CDC14B: variants seen among roughly 807,000 people sequenced by gnomAD.
The protein encoded by CDC14B is dual specificity protein phosphatase CDC14B.
A neutral mutation model predicts 64.2 loss-of-function variants in CDC14B; 22 were observed. The observed-to-expected ratio is 0.34, with a 90% CI of 0.24 to 0.49. The LOEUF (loss-of-function observed/expected upper bound fraction) is 0.49, where lower values mean the gene tolerates loss of function less well. CDC14B is among the 20% of genes least tolerant of loss of function. The pLI is 0.99. For synonymous variants in CDC14B, 191 were observed against 215.8 expected, an observed-to-expected ratio of 0.89 and a Z score of 1.01; for missense variants, 498 against 629.9, an observed-to-expected ratio of 0.79 and a Z score of 2.24.
chr9:96,602,045 C>T (rs1054605337), intron 1 of CDC14B, among the ~76,000 whole-genome samples: 3 of 151,956 alleles, frequency 2.0e-5, no homozygotes, highest in Admixed American at 6.6e-5. Context: ...GACGACAGAG[C>T]GAGACTCAGT....
At chr9:96,615,121 G>T (rs1847543054) in intron 1 of CDC14B, among the ~76,000 whole-genome samples, 1 of 152,144 alleles carries the variant, frequency 6.6e-6, no homozygotes, top group South Asian at 2.1e-4. Flanking sequence ...GATTACAGAC[G>T]TGAGACACTG....
At chr9:96,534,246 T>C in intron 8 of CDC14B, 89 bp from the exon 9 acceptor site, 1 of 845,756 alleles carries the variant, frequency 1.2e-6, no homozygotes, top group Non-Finnish European at 1.8e-6. Flanking sequence ...AAACAGTATC[T>C]GGACTGGGAA....
At chr9:96,562,386 A>G (rs1239471427) in intron 4 of CDC14B, among the ~76,000 whole-genome samples, 1 of 152,204 alleles carries the variant, frequency 6.6e-6, no homozygotes, top group Admixed American at 6.5e-5. Flanking sequence ...CTATTTTCCA[A>G]CCTTTAGTGC....
At chr9:96,543,849 CTTCACACTGTAATAT>C (rs1840426617) in intron 5 of CDC14B, among the ~76,000 whole-genome samples, 1 of 152,174 alleles carries the variant, frequency 6.6e-6, no homozygotes, top group African/African-American at 2.4e-5. Flanking sequence ...TTATTTGGGT[CTTCACACTGTAATAT>C]TTCTTACTGT....
At position 96,500,586 on chromosome 9, in the gene CDC14B, C is replaced by T. The variant is rs1833479184; in HGVS notation, c.*3167G>A. 1 of 152,604 alleles carries T rather than the reference C, an allele frequency of 6.6e-6. No individual in the cohort carries two copies. The allele number at this position is 152,604 out of a possible 1,614,324, so 9.5% of individuals were successfully genotyped here. On this transcript the variant is annotated 3_prime_UTR_variant, in exon 14 of 14. Transcript: ENST00000375241. ...TTAAACACATCTGGAGTCATCTCCA[C>T]TGAGTGACATGGAGAATAACCTGAT...
intron 1 of CDC14B, among the ~76,000 whole-genome samples, chr9:96,575,961 G>A (rs1844776654): frequency 6.6e-6 from 1 of 152,224 alleles, no homozygotes; most frequent in African/African-American, 2.4e-5. Context: ...AAAGAAAGTA[G>A]CAATATTAAC....
intron 1 of CDC14B, among the ~76,000 whole-genome samples, chr9:96,593,101 A>G (rs184281063): frequency 1.3e-5 from 2 of 152,306 alleles, no homozygotes; most frequent in Admixed American, 6.5e-5. Context: ...TAGTTCCTAA[A>G]TATCTAAGAA....
intron 1 of CDC14B, among the ~76,000 whole-genome samples, chr9:96,573,779 T>C (rs1564363846): frequency 6.6e-6 from 1 of 152,184 alleles, no homozygotes; most frequent in Non-Finnish European, 1.5e-5. Flanking sequence ...ATAAATTACA[T>C]GGAATATGAC....
At chr9:96,591,257 G>C (rs1179492540) in intron 1 of CDC14B, among the ~76,000 whole-genome samples, 1 of 152,130 alleles carries the variant, frequency 6.6e-6, no homozygotes, top group African/African-American at 2.4e-5. Flanking sequence ...AGGTCTTTAA[G>C]ATACTTTGCA....
At chr9:96,559,198 T>C (rs925156794) in intron 4 of CDC14B, among the ~76,000 whole-genome samples, 5 of 152,164 alleles carry the variant, frequency 3.3e-5, no homozygotes. Context: ...TACCTCACAC[T>C]CTCTGCCCAA....
At chr9:96,607,413 C>CTTTTTTTT (rs999912549) in intron 1 of CDC14B, among the ~76,000 whole-genome samples, 5 of 66,348 alleles carry the variant, frequency 7.5e-5, no homozygotes, top group Non-Finnish European at 1.2e-4. Context: ...AACGTGATGT[C>CTTTTTTTT]TTTTTTTTTT....
intron 1 of CDC14B, among the ~76,000 whole-genome samples, chr9:96,608,222 G>C (rs1288318338): frequency 6.6e-6 from 1 of 152,180 alleles, no homozygotes; most frequent in Admixed American, 6.5e-5. Context: ...TGTCTGGATT[G>C]AATTAGTGCT....
At chr9:96,565,591 A>G (rs549790060) in intron 1 of CDC14B, 108 bp from the exon 2 acceptor site, 1 of 793,736 alleles carries the variant, frequency 1.3e-6, no homozygotes, top group African/African-American at 1.7e-5. Context: ...TTTTTCATGC[A>G]CGTTTCAGAT....
chr9:96,573,937 G>T (rs1429310323), intron 1 of CDC14B, among the ~76,000 whole-genome samples: 1 of 152,146 alleles, frequency 6.6e-6, no homozygotes, highest in African/African-American at 2.4e-5. Context: ...CACGAGGTCA[G>T]GAGATGGAGA....
At chr9:96,517,643 C>CAAAAAAAAAAAA (rs1016405679) in intron 12 of CDC14B, among the ~76,000 whole-genome samples, 6 of 34,636 alleles carry the variant, frequency 1.7e-4, no homozygotes, top group African/African-American at 5.9e-4. Flanking sequence ...GACTCCGTCT[C>CAAAAAAAAAAAA]AAAAAAAAAA....
intron 12 of CDC14B, among the ~76,000 whole-genome samples, chr9:96,512,302 G>A (rs574415934): frequency 6.0e-5 from 9 of 149,498 alleles, no homozygotes; most frequent in Admixed American, 2.7e-4. Flanking sequence ...CTAAAAACAA[G>A]GAATTGTTTT....
At chr9:96,514,513 A>G (rs1835346504) in intron 12 of CDC14B, 4 of 985,326 alleles carry the variant, frequency 4.1e-6, no homozygotes, top group Non-Finnish European at 4.8e-6. Context: ...GTTTTGCCTA[A>G]TTCTGAAGAG....
rs1340377331 is a variant in CDC14B at position 96,503,704 on chromosome 9, C to T, written c.*49G>A. The stretch of plus-strand genomic sequence containing the variant: ...TTTCAAATTGTGCTAATTTCTGTTG[C>T]AGTTTTCAGTCCTAGAGTCTTCCTT... On this transcript the variant is annotated 3_prime_UTR_variant, in exon 14 of 14. Transcript: ENST00000375241. 1.3e-5 allele frequency: 20 copies of T among 1,521,890 alleles called. No homozygotes were observed. Among genetic ancestry groups the T allele is most frequent in the Admixed American group, 1.8e-5 (1 of 55,538 alleles). The allele number at this position is 1,521,890 out of a possible 1,614,324, so 94.3% of individuals were successfully genotyped here.
At chr9:96,538,355 T>C (rs191458467) in intron 7 of CDC14B, among the ~76,000 whole-genome samples, 174 of 152,258 alleles carry the variant, frequency 1.1e-3, no homozygotes, top group African/African-American at 4.0e-3. Context: ...AGACTTGACT[T>C]TTTTTCACTC....
Sources: gnomAD v4.1 joint callset for allele counts (sites outside exome capture counted in the v4.1 genomes callset) on GRCh38, gnomAD v4.1.1 for gene constraint, MANE v1.5 for transcripts, NCBI Gene and HGNC (gene_info 2026-07-23, HGNC 2026-07-21) for gene names.